LRRC4C: variants seen among roughly 807,000 people sequenced by gnomAD.
LRRC4C encodes the protein leucine-rich repeat-containing protein 4C.
LRRC4C carries 5 observed loss-of-function variants against 33.6 expected under a neutral mutation model. The observed-to-expected ratio is 0.15, with a 90% CI of 0.08 to 0.31. The LOEUF (loss-of-function observed/expected upper bound fraction) is 0.31, where lower values mean the gene tolerates loss of function less well. Ranked by LOEUF, LRRC4C falls within the 10% of genes least tolerant of loss-of-function variation. The probability of loss-of-function intolerance (pLI) is 1.00; values close to 1 mark genes in which losing one functional copy is unlikely to be tolerated. For missense variants in LRRC4C, 560 were observed against 796.7 expected (o/e 0.70, Z 3.58); for synonymous variants, 329 against 302.0 (o/e 1.09, Z -0.93).
Position 41,308,277 on chromosome 11 carries a change from T to TG in LRRC4C, c.-496+151153dup, listed in dbSNP as rs371256289. ...ACTCTGGAGAAAAACGCATACATTC[T>TG]GGGGGCTTATGAATACCTGGTGAAA... is the stretch of plus-strand genomic sequence containing the variant. On this transcript the variant is annotated intron_variant, in intron 1 of 6. Coordinates refer to ENST00000528697, the MANE Select transcript of LRRC4C (RefSeq NM_001258419.2). Among the ~76,000 whole-genome samples, 137 of 151,958 alleles carry TG rather than the reference T, an allele frequency of 9.0e-4. 1 individual carries two copies. The highest frequency in any genetic ancestry group is 3.2e-3 in the African/African-American group (131 of 41,458).
At chr11:40,921,159 G>A (rs1300315582) in intron 2 of LRRC4C, among the ~76,000 whole-genome samples, 1 of 152,090 alleles carries the variant, frequency 6.6e-6, no homozygotes, top group African/African-American at 2.4e-5. Context: ...CTTGGCTCAA[G>A]TGATCCTCCC....
chr11:41,079,094 A>T (rs1404972207), intron 1 of LRRC4C, among the ~76,000 whole-genome samples: 1 of 152,116 alleles, frequency 6.6e-6, no homozygotes, highest in East Asian at 1.9e-4. Flanking sequence ...AAAACCTAAC[A>T]CCTTTACGAT....
intron 2 of LRRC4C, among the ~76,000 whole-genome samples, chr11:40,854,248 T>G (rs770774469): frequency 1.2e-4 from 19 of 152,148 alleles, no homozygotes; most frequent in Non-Finnish European, 2.5e-4. Flanking sequence ...ATGGAATCGA[T>G]TCTAACAGGA....
In LRRC4C at chr11:40,534,210, C is replaced by T. The variant is rs531309824; in HGVS notation, c.-270+113932G>A. ...GACTCTTAGCACATGACCTGTCATACGTGATGTGTCCAATTATTATTATTA... is the reference window on the plus strand; with the variant it reads ...GACTCTTAGCACATGACCTGTCATATGTGATGTGTCCAATTATTATTATTA... On this transcript the variant is annotated intron_variant, in intron 3 of 6. Transcript: ENST00000528697. 7.9e-5 allele frequency among the ~76,000 whole-genome samples: 12 copies of T among 151,990 alleles called. No homozygotes were observed. In the East Asian group the frequency reaches 1.4e-3, roughly 17 times the overall value.
chr11:40,840,232 CAG>C (rs1033729969), intron 2 of LRRC4C, among the ~76,000 whole-genome samples: 27 of 152,210 alleles, frequency 1.8e-4, no homozygotes, highest in African/African-American at 6.3e-4. Flanking sequence ...CAAAGAAAAA[CAG>C]ATATAAGCAT....
intron 3 of LRRC4C, among the ~76,000 whole-genome samples, chr11:40,557,672 A>C (rs1243351433): frequency 2.1e-5 from 3 of 145,354 alleles, no homozygotes; most frequent in African/African-American, 7.7e-5. Context: ...TACACTGTCT[A>C]TAGAGGCGTG....
At chr11:40,783,898 A>G (rs144286163) in intron 2 of LRRC4C, among the ~76,000 whole-genome samples, 1 of 152,282 alleles carries the variant, frequency 6.6e-6, no homozygotes, top group East Asian at 1.9e-4. Context: ...AAAATGTGAT[A>G]AAACCACAAT....
intron 2 of LRRC4C, among the ~76,000 whole-genome samples, chr11:40,663,251 T>C (rs1943542969): frequency 6.6e-6 from 1 of 151,308 alleles, no homozygotes; most frequent in South Asian, 2.1e-4. Flanking sequence ...TGGCTAATTT[T>C]TGTATTTTTT....
At chr11:40,246,233 A>G (rs976070587) in intron 4 of LRRC4C, among the ~76,000 whole-genome samples, 1 of 152,084 alleles carries the variant, frequency 6.6e-6, no homozygotes, top group Non-Finnish European at 1.5e-5. Context: ...CTCAGCCTCC[A>G]AAAGTGCTGC....
intron 1 of LRRC4C, among the ~76,000 whole-genome samples, chr11:41,228,347 A>G (rs1430120764): frequency 2.6e-5 from 4 of 151,924 alleles, no homozygotes; most frequent in Non-Finnish European, 4.4e-5. Flanking sequence ...TTTTTTCCCC[A>G]TTTGGATTCA....
intron 3 of LRRC4C, among the ~76,000 whole-genome samples, chr11:40,443,373 G>C (rs553119580): frequency 6.6e-6 from 1 of 152,112 alleles, no homozygotes; most frequent in Admixed American, 6.5e-5. Context: ...TTACTATTCC[G>C]GGTAAGAAGT....
chr11:40,585,253 A>AT (rs904533664), intron 3 of LRRC4C, among the ~76,000 whole-genome samples: 39 of 152,156 alleles, frequency 2.6e-4, no homozygotes, highest in Non-Finnish European at 4.4e-5. Context: ...CAAAATCGGA[A>AT]GACTAGATAG....
At chr11:40,315,653 T>C (rs1479110989) in intron 4 of LRRC4C, among the ~76,000 whole-genome samples, 1 of 151,964 alleles carries the variant, frequency 6.6e-6, no homozygotes. Context: ...TTCCAATATA[T>C]TGCAACTGCT....
intron 4 of LRRC4C, among the ~76,000 whole-genome samples, chr11:40,260,828 G>C (rs1867650447): frequency 6.6e-6 from 1 of 152,094 alleles, no homozygotes; most frequent in Admixed American, 6.6e-5. Flanking sequence ...TTAACTAGAA[G>C]AAATGCAAAA....
intron 5 of LRRC4C, among the ~76,000 whole-genome samples, chr11:40,153,687 A>C (rs187360590): frequency 9.3e-4 from 141 of 152,284 alleles, no homozygotes; most frequent in Non-Finnish European, 1.6e-3. Context: ...AAGTAGAAGA[A>C]AGAAATTCAG....
intron 2 of LRRC4C, among the ~76,000 whole-genome samples, chr11:40,806,837 T>C (rs951402744): frequency 1.3e-5 from 2 of 152,194 alleles, no homozygotes; most frequent in Non-Finnish European, 2.9e-5. Context: ...AAGAAAGGCA[T>C]ATTCCTGATG....
intron 3 of LRRC4C, among the ~76,000 whole-genome samples, chr11:40,342,375 T>A (rs1300013341): frequency 2.0e-5 from 3 of 151,992 alleles, no homozygotes; most frequent in African/African-American, 7.2e-5. Context: ...AGGCTGAGGC[T>A]GGAGGATCCC....
intron 1 of LRRC4C, among the ~76,000 whole-genome samples, chr11:41,334,665 T>C (rs1031469590): frequency 6.6e-6 from 1 of 151,996 alleles, no homozygotes; most frequent in Non-Finnish European, 1.5e-5. Flanking sequence ...ACCCTCTCTC[T>C]GCAAATATTA....
chr11:40,608,406 G>A (rs1038330899), intron 3 of LRRC4C, among the ~76,000 whole-genome samples: 3 of 151,514 alleles, frequency 2.0e-5, no homozygotes, highest in African/African-American at 7.3e-5. Context: ...AATGAGAAAT[G>A]AATCAAAGCC....
Sources: allele counts gnomAD v4.1 joint callset (sites outside exome capture counted in the v4.1 genomes callset), GRCh38; gene constraint gnomAD v4.1.1; transcripts MANE v1.5; gene names NCBI Gene and HGNC (gene_info 2026-07-23, HGNC 2026-07-21).